The following GATA4 variants were observed in gnomAD, a reference collection of about 807,000 sequenced individuals.
GATA4 encodes the protein GATA binding protein 4.
In GATA4, 7 loss-of-function variants were observed where a neutral mutation model predicts 37.9. The ratio of observed to expected loss-of-function variants is 0.18; its 90% CI spans 0.11 to 0.35. The LOEUF is 0.35. Ranked by LOEUF, GATA4 falls within the 10% of genes least tolerant of loss-of-function variation. GATA4 has a pLI of 1.00. For synonymous variants in GATA4, 372 were observed against 292.6 expected, an observed-to-expected ratio of 1.27 and a Z score of -2.77; for missense variants, 647 against 653.0, an observed-to-expected ratio of 0.99 and a Z score of 0.10.
intron 2 of GATA4, among the ~76,000 whole-genome samples, chr8:11,730,225 T>C (rs1410237867): frequency 2.6e-5 from 4 of 151,994 alleles, no homozygotes; most frequent in Non-Finnish European, 5.9e-5. Context: ...CAGTGAGTGG[T>C]TTTGTGGGCT....
chr8:11,739,629 C>T (rs1801626515), intron 2 of GATA4, among the ~76,000 whole-genome samples: 2 of 151,338 alleles, frequency 1.3e-5, no homozygotes, highest in African/African-American at 4.9e-5. Context: ...CCCAGCTGGC[C>T]GGAAGCCGAG....
intron 2 of GATA4, among the ~76,000 whole-genome samples, chr8:11,731,323 G>A (rs536473010): frequency 6.6e-6 from 1 of 152,374 alleles, no homozygotes; most frequent in Admixed American, 6.5e-5. Flanking sequence ...TCCAAAAGGT[G>A]GAAGTAGCCT....
intron 1 of GATA4, among the ~76,000 whole-genome samples, chr8:11,684,470 T>C (rs1799076979): frequency 6.6e-6 from 1 of 152,260 alleles, no homozygotes; most frequent in East Asian, 1.9e-4. Flanking sequence ...TTCTGAACCA[T>C]AAACTCATTA....
chr8:11,724,552 C>A (rs371317092), intron 2 of GATA4, among the ~76,000 whole-genome samples: 1 of 152,210 alleles, frequency 6.6e-6, no homozygotes, highest in African/African-American at 2.4e-5. Context: ...ACCAGCAGTA[C>A]GAGTCCTGAA....
chr8:11,680,487 C>T (rs1250321761), intron 1 of GATA4: 3 of 985,386 alleles, frequency 3.0e-6, no homozygotes, highest in Admixed American at 1.2e-4. Flanking sequence ...GGATGCATTT[C>T]GATCAATCTG....
rs780400025 is a variant in GATA4, at chr8:11,756,885, T to A, written c.1001-50T>A. The A allele has an allele frequency of 9.3e-6, 15 of 1,613,756 alleles. No individual in the cohort carries two copies. In the Admixed American group the frequency reaches 1.8e-4, roughly 20 times the overall value. ...GGCTGTCTCGCAGGCTGCCGGCTGT[T>A]CGTTTGTCCCTGCCGCTGATTTGGG... On this transcript the variant is annotated intron_variant, in intron 5 of 6. Coordinates refer to ENST00000532059, the MANE Select transcript of GATA4 (RefSeq NM_001308093.3).
rs1479512602 is a variant in GATA4 at position 11,758,559 on chromosome 8, C to T, written c.*84C>T. 5.8e-5 allele frequency: 78 copies of T among 1,351,192 alleles called. No homozygotes were observed. The East Asian group carries it at 1.5e-3, about 25-fold the overall frequency. 83.7% of individuals were successfully genotyped at this position (1,351,192 alleles called of 1,614,324 possible). A position where few individuals can be genotyped will look rare whatever the true frequency, so the allele number is the denominator to read the frequency against. ...AAGGAGGCCCTGGGCTCCCAGGGGC[C>T]GGCCTCCTCTGCCTGGTAATGACTC... On this transcript the variant is annotated 3_prime_UTR_variant, in exon 7 of 7. Coordinates refer to ENST00000532059, the MANE Select transcript of GATA4 (RefSeq NM_001308093.3).
At chr8:11,690,160 G>A (rs1799264244), upstream of GATA4, among the ~76,000 whole-genome samples, 1 of 152,236 alleles carries the variant, frequency 6.6e-6, no homozygotes, top group Non-Finnish European at 1.5e-5. Flanking sequence ...GGAGGATGAA[G>A]GTGTGAAGAG....
chr8:11,704,882 G>A (rs1799822969), intron 1 of GATA4, among the ~76,000 whole-genome samples: 1 of 152,240 alleles, frequency 6.6e-6, no homozygotes, highest in African/African-American at 2.4e-5. Context: ...TCGGGGCTGG[G>A]GTCCAGGGAC....
chr8:11,707,833 T>C lies in GATA4; in HGVS notation c.-457-23T>C, dbSNP rs1799962614. 4.4e-6 allele frequency: 1 copy of C among 225,674 alleles called. No individual in the cohort carries two copies. Among genetic ancestry groups the C allele is most frequent in the Non-Finnish European group, 8.9e-6 (1 of 112,912 alleles). The allele number at this position is 225,674 out of a possible 1,614,324, so 14.0% of individuals were successfully genotyped here. ...AAGCTCTGGGATGAACCACCCTCTC[T>C]CTTTCTGTCGTTCCTCTTTTAGGAC... is the stretch of plus-strand genomic sequence containing the variant. On this transcript the variant is annotated intron_variant, in intron 1 of 6. Coordinates refer to ENST00000532059, the MANE Select transcript of GATA4 (RefSeq NM_001308093.3). The surrounding 1 kb of genome is among the most constrained non-coding windows in gnomAD (Gnocchi z 4.7).
chr8:11,755,154 T>C (rs750471050), intron 5 of GATA4, 21 bp downstream of exon 5: 3 of 1,581,332 alleles, frequency 1.9e-6, no homozygotes, highest in Admixed American at 3.3e-5. Flanking sequence ...GATCTGTGAG[T>C]GATTATATGA....
At position 11,754,988 on chromosome 8, in the gene GATA4, T is replaced by A. The variant is rs143010652; in HGVS notation, c.913-58T>A. ...CTCGCAGCAGGTGTGTGTCTTTCAA[T>A]GCTGTAGCAGACTACGCAGAAATGG... On this transcript the variant is annotated intron_variant, in intron 4 of 6. Coordinates refer to ENST00000532059, the MANE Select transcript of GATA4 (RefSeq NM_001308093.3). 7.9e-4 allele frequency: 1,076 copies of A among 1,364,650 alleles called. 7 individuals carry two copies. The East Asian group carries it at 0.017, about 21-fold the overall frequency. 84.5% of individuals were successfully genotyped at this position (1,364,650 alleles called of 1,614,324 possible). A position where few individuals can be genotyped will look rare whatever the true frequency, so the allele number is the denominator to read the frequency against.
At chr8:11,703,257 T>A (rs1799746776), upstream of GATA4, among the ~76,000 whole-genome samples, 1 of 151,734 alleles carries the variant, frequency 6.6e-6, no homozygotes, top group Admixed American at 6.5e-5. Flanking sequence ...CGGTAATCGA[T>A]GGGTTATTTT....
chr8:11,735,763 G>A (rs1184744612), intron 2 of GATA4, among the ~76,000 whole-genome samples: 1 of 152,190 alleles, frequency 6.6e-6, no homozygotes, highest in Non-Finnish European at 1.5e-5. Context: ...GTTTCTCCAT[G>A]TTGGTCAGGC....
upstream of GATA4, among the ~76,000 whole-genome samples, chr8:11,703,096 G>C (rs1456798932): frequency 6.6e-6 from 1 of 151,994 alleles, no homozygotes; most frequent in African/African-American, 2.4e-5. Flanking sequence ...CACGGGTTTC[G>C]TGCAGGGTGT....
At chr8:11,751,249 G>C (rs1052744955) in intron 4 of GATA4, among the ~76,000 whole-genome samples, 6 of 152,110 alleles carry the variant, frequency 3.9e-5, no homozygotes, top group Non-Finnish European at 5.9e-5. Flanking sequence ...ATTTTTATTG[G>C]AACATTCTCC....
chr8:11,702,819 T>A (rs766485897), upstream of GATA4, among the ~76,000 whole-genome samples: 1 of 152,150 alleles, frequency 6.6e-6, no homozygotes, highest in Non-Finnish European at 1.5e-5. The surrounding 1 kb of genome is among the most constrained non-coding windows in gnomAD (Gnocchi z 4.4). Flanking sequence ...CAGCCTCAGT[T>A]TCCTTTCCTC....
chr8:11,690,824 T>C (rs1799287611), upstream of GATA4, among the ~76,000 whole-genome samples: 1 of 152,202 alleles, frequency 6.6e-6, no homozygotes, highest in Non-Finnish European at 1.5e-5. Flanking sequence ...TGAACTATGA[T>C]TGCACTACTG....
chr8:11,721,781 C>G (rs1016656445), intron 2 of GATA4, among the ~76,000 whole-genome samples: 4 of 152,116 alleles, frequency 2.6e-5, no homozygotes, highest in African/African-American at 9.7e-5. Context: ...TGTACTTTCT[C>G]TAAAGGTGGT....
Sources: gnomAD v4.1 joint callset for allele counts (sites outside exome capture counted in the v4.1 genomes callset) on GRCh38, gnomAD v4.1.1 for gene constraint, Gnocchi (gnomAD v3.1) non-coding constraint, MANE v1.5 for transcripts, NCBI Gene and HGNC (gene_info 2026-07-23, HGNC 2026-07-21) for gene names.